The following UMPS variants were observed in gnomAD, a reference collection of about 807,000 sequenced individuals.
UMPS encodes the protein uridine 5'-monophosphate synthase.
UMPS carries 21 observed loss-of-function variants against 38.9 expected under a neutral mutation model. The observed-to-expected ratio is 0.54, with a 90% CI of 0.38 to 0.78. The LOEUF (loss-of-function observed/expected upper bound fraction) is 0.78. Among genes scored for constraint, UMPS ranks in the 30% least tolerant of loss-of-function variants. The pLI is 0.00. For missense variants in UMPS, 533 were observed against 591.6 expected, an observed-to-expected ratio of 0.90 and a Z score of 1.03; for synonymous variants, 208 against 219.3, an observed-to-expected ratio of 0.95 and a Z score of 0.45.
chr3:124,747,817 A>C lies in UMPS; in HGVS notation c.*3733A>C, dbSNP rs866231316. 4.2e-5 allele frequency: 19 copies of C among 451,814 alleles called. 1 individual carries two copies. The highest frequency in any genetic ancestry group is 1.4e-3 in the Middle Eastern group (2 of 1,464). The allele number at this position is 451,814 out of a possible 1,614,324, so 28.0% of individuals were successfully genotyped here. On this transcript the variant is annotated 3_prime_UTR_variant, in exon 6 of 6. Coordinates refer to ENST00000232607, the MANE Select transcript of UMPS (RefSeq NM_000373.4). ...TCTGGCTGCATCAGCGATCTCTCCCAGCGAAATAGCTGCTTGGTCTTGTGT... is the reference window on the plus strand; with the variant it reads ...TCTGGCTGCATCAGCGATCTCTCCCCGCGAAATAGCTGCTTGGTCTTGTGT...
At position 124,730,502 on chromosome 3, in the gene UMPS, T is replaced by G; in HGVS notation, c.31T>G (p.Leu11Val). The G allele has an allele frequency of 6.2e-7, 1 of 1,614,122 alleles. No homozygotes were observed. The highest frequency in any genetic ancestry group is 8.5e-7 in the Non-Finnish European group (1 of 1,179,994). ...GGTCGCTCGTGCAGCTTTGGGGCCA[T>G]TGGTGACGGGTCTGTACGACGTGCA... is the stretch of plus-strand genomic sequence containing the variant. MAVARAALGP[L>V]VTGLYDVQAF... Residue 11 changes from leucine (L) to valine (V), a missense_variant, in exon 1 of 6, where the codon TTG becomes GTG. By Grantham distance (32) the Leu-to-Val change is conservative. Coordinates refer to ENST00000232607, the MANE Select transcript of UMPS (RefSeq NM_000373.4).
Position 124,745,483 on chromosome 3 carries a change from C to T in UMPS, c.*1399C>T. The T allele has an allele frequency of 4.4e-6, 2 of 454,012 alleles. No individual in the cohort carries two copies. Among genetic ancestry groups the T allele is most frequent in the South Asian group, 3.1e-5 (2 of 64,460 alleles). The allele number at this position is 454,012 out of a possible 1,614,324, so 28.1% of individuals were successfully genotyped here. A position where few individuals can be genotyped will look rare whatever the true frequency, so the allele number is the denominator to read the frequency against. ...GGTTCAAGCAGTTCTCCTGCCTCAG[C>T]CTCCCGAGTAGCTGGGACTACAAGC... is the stretch of plus-strand genomic sequence containing the variant. On this transcript the variant is annotated 3_prime_UTR_variant, in exon 6 of 6. Coordinates refer to ENST00000232607, the MANE Select transcript of UMPS (RefSeq NM_000373.4).
rs74477033 is a variant in UMPS at position 124,745,601 on chromosome 3, C to A, written c.*1517C>A. 300 of 453,994 alleles carry A rather than the reference C, an allele frequency of 6.6e-4. 2 individuals carry two copies. Among genetic ancestry groups the A allele is most frequent in the African/African-American group, 5.4e-3 (270 of 50,062 alleles). 28.1% of individuals were successfully genotyped at this position (453,994 alleles called of 1,614,324 possible). ...TAAAGTCCAATTTGGGCTTCATGTCCCCAGTGCTGCATCTCCAGGGAAATG... is the reference window on the plus strand; with the variant it reads ...TAAAGTCCAATTTGGGCTTCATGTCACCAGTGCTGCATCTCCAGGGAAATG... On this transcript the variant is annotated 3_prime_UTR_variant, in exon 6 of 6. Transcript: ENST00000232607.
At position 124,748,870 on chromosome 3, in the gene UMPS, T is replaced by C. The variant is rs1248811533; in HGVS notation, c.*4786T>C. ...TTCTCCTGTTTTTCTGAAAAGGGCA[T>C]GGGAGTTAGCTGAGAAGCAGACCTG... On this transcript the variant is annotated 3_prime_UTR_variant, in exon 6 of 6. Transcript: ENST00000232607. 3 of 430,676 alleles carry C rather than the reference T, an allele frequency of 7.0e-6. No homozygotes were observed. Among genetic ancestry groups the C allele is most frequent in the Non-Finnish European group, 1.4e-5 (3 of 215,418 alleles). The allele number at this position is 430,676 out of a possible 1,614,324, so 26.7% of individuals were successfully genotyped here.
In UMPS at chr3:124,744,036, G is replaced by A; in HGVS notation, c.1395G>A (p.Met465Ile). 6.2e-7 allele frequency: 1 copy of A among 1,614,206 alleles called. No homozygotes were observed. The highest frequency in any genetic ancestry group is 8.5e-7 in the Non-Finnish European group (1 of 1,180,026). Residue 465 changes from methionine to isoleucine, a missense_variant, in exon 6 of 6, where the codon ATG becomes ATA. By Grantham distance (10) the Met-to-Ile change is conservative (BLOSUM62 1). Coordinates refer to ENST00000232607, the MANE Select transcript of UMPS (RefSeq NM_000373.4). ...SAADRLEAAEMYRKAAWEAYL... is the reference protein window; with the variant it reads ...SAADRLEAAEIYRKAAWEAYL... ...CTGATCGTCTGGAAGCAGCAGAGAT[G>A]TACAGAAAAGCTGCTTGGGAAGCGT...
chr3:124,748,953 G>A lies in UMPS; in HGVS notation c.*4869G>A, dbSNP rs1026438041. 9 of 453,512 alleles carry A rather than the reference G, an allele frequency of 2.0e-5. No homozygotes were observed. The highest frequency in any genetic ancestry group is 1.4e-4 in the Admixed American group (6 of 42,554). The allele number at this position is 453,512 out of a possible 1,614,324, so 28.1% of individuals were successfully genotyped here. A position where few individuals can be genotyped will look rare whatever the true frequency, so the allele number is the denominator to read the frequency against. On this transcript the variant is annotated 3_prime_UTR_variant, in exon 6 of 6. Transcript: ENST00000232607. ...ACAGTCAGTGGGAAGTGGACGGGCCGCACAACCAAGGTTCTCATGAGGACA... is the reference window on the plus strand; with the variant it reads ...ACAGTCAGTGGGAAGTGGACGGGCCACACAACCAAGGTTCTCATGAGGACA...
intron 1 of UMPS, chr3:124,733,283 A>G (rs898331222): frequency 5.3e-5 from 8 of 152,236 alleles, no homozygotes; most frequent in African/African-American, 1.9e-4. Flanking sequence ...AAAATTTGCA[A>G]ATCATGTTTG....
At position 124,748,669 on chromosome 3, in the gene UMPS, G is replaced by T; in HGVS notation, c.*4585G>T. The stretch of plus-strand genomic sequence containing the variant: ...AGTTGACACCCAAAATAAGGGTGGG[G>T]AACTGTCAGCAGAGGAGGTCTGTGT... On this transcript the variant is annotated 3_prime_UTR_variant, in exon 6 of 6. Transcript: ENST00000232607. The T allele has an allele frequency of 8.8e-6, 4 of 453,958 alleles. No individual in the cohort carries two copies. The highest frequency in any genetic ancestry group is 1.8e-5 in the Non-Finnish European group (4 of 226,726). The allele number at this position is 453,958 out of a possible 1,614,324, so 28.1% of individuals were successfully genotyped here.
At position 124,737,724 on chromosome 3, in the gene UMPS, A is replaced by G; in HGVS notation, c.467A>G (p.Glu156Gly). ...VTDAIVLLDR[E>G]QGGKDKLQAH... Reference sequence around the variant, plus strand: ...GATGCCATAGTGCTGTTGGACAGAGAGCAGGGAGGCAAGGACAAGTTGCAG... The same window carrying G: ...GATGCCATAGTGCTGTTGGACAGAGGGCAGGGAGGCAAGGACAAGTTGCAG... Residue 156 changes from glutamate (E) to glycine (G), a missense_variant, in exon 3 of 6, where the codon GAG (glutamate) becomes GGG (glycine). Transcript: ENST00000232607. The G allele has an allele frequency of 2.5e-6, 4 of 1,614,200 alleles. No individual in the cohort carries two copies. The highest frequency in any genetic ancestry group is 2.5e-6 in the Non-Finnish European group (3 of 1,180,042).
intron 5 of UMPS, 189 bp downstream of exon 5, chr3:124,742,455 T>C: frequency 1.6e-6 from 1 of 607,010 alleles, no homozygotes; most frequent in Non-Finnish European, 2.9e-6. Flanking sequence ...TCTAATTGTC[T>C]GTAAAATGGG....
intron 1 of UMPS, 25 bp from the exon 2 acceptor site, chr3:124,735,068 T>G: frequency 6.2e-7 from 1 of 1,601,510 alleles, no homozygotes; most frequent in Non-Finnish European, 8.5e-7. Flanking sequence ...AATAAAACAT[T>G]GTTTATGTGT....
At position 124,747,670 on chromosome 3, in the gene UMPS, AC is replaced by A. The variant is rs781180917; in HGVS notation, c.*3587del. The A allele has an allele frequency of 2.2e-6, 1 of 453,358 alleles. No homozygotes were observed. Among genetic ancestry groups the A allele is most frequent in the South Asian group, 1.6e-5 (1 of 64,474 alleles). The allele number at this position is 453,358 out of a possible 1,614,324, so 28.1% of individuals were successfully genotyped here. A position where few individuals can be genotyped will look rare whatever the true frequency, so the allele number is the denominator to read the frequency against. ...CCATGGAGTTCCAGGGTGGTTTATT[AC>A]ACGGCAATATCTAGCTAAATACATT... On this transcript the variant is annotated 3_prime_UTR_variant, in exon 6 of 6. Coordinates refer to ENST00000232607, the MANE Select transcript of UMPS (RefSeq NM_000373.4).
Position 124,744,136 on chromosome 3 carries a change from G to A in UMPS, c.*52G>A. 1 of 1,603,458 alleles carries A rather than the reference G, an allele frequency of 6.2e-7. No individual in the cohort carries two copies. Among genetic ancestry groups the A allele is most frequent in the Non-Finnish European group, 8.5e-7 (1 of 1,172,330 alleles). On this transcript the variant is annotated 3_prime_UTR_variant, in exon 6 of 6. Coordinates refer to ENST00000232607, the MANE Select transcript of UMPS (RefSeq NM_000373.4). Reference sequence around the variant, plus strand: ...AATGTGAAGACATTGAAGATATGTGGTCCTCCTGAAAGTCACTGGCTGGAA... The same window carrying A: ...AATGTGAAGACATTGAAGATATGTGATCCTCCTGAAAGTCACTGGCTGGAA...
chr3:124,741,911 T>G (rs757943109), intron 4 of UMPS, among the ~76,000 whole-genome samples: 1 of 152,018 alleles, frequency 6.6e-6, no homozygotes, highest in Non-Finnish European at 1.5e-5. Flanking sequence ...ACAGCAAAGT[T>G]TCTAACTAGA....
Position 124,747,756 on chromosome 3 carries a change from A to T in UMPS, c.*3672A>T, listed in dbSNP as rs780413960. On this transcript the variant is annotated 3_prime_UTR_variant, in exon 6 of 6. Transcript: ENST00000232607. The stretch of plus-strand genomic sequence containing the variant: ...ACCAGGAAGACAAAAACTGGGCTCC[A>T]CCAGGAACCAGTCTTCTGCCTTCCC... The T allele has an allele frequency of 8.9e-6, 4 of 451,840 alleles. 1 individual carries two copies. The highest frequency in any genetic ancestry group is 6.2e-5 in the South Asian group (4 of 64,452). 28.0% of individuals were successfully genotyped at this position (451,840 alleles called of 1,614,324 possible). A position where few individuals can be genotyped will look rare whatever the true frequency, so the allele number is the denominator to read the frequency against.
At position 124,746,796 on chromosome 3, in the gene UMPS, T is replaced by TGTGTGTGTGTGTGTGTGC. The variant is rs776953343; in HGVS notation, c.*2713_*2714insTGTGTGTGTGTGTGTGCG. 1 of 439,282 alleles carries TGTGTGTGTGTGTGTGTGC rather than the reference T, an allele frequency of 2.3e-6. No homozygotes were observed. The highest frequency in any genetic ancestry group is 4.5e-6 in the Non-Finnish European group (1 of 221,094). The allele number at this position is 439,282 out of a possible 1,614,324, so 27.2% of individuals were successfully genotyped here. On this transcript the variant is annotated 3_prime_UTR_variant, in exon 6 of 6. Coordinates refer to ENST00000232607, the MANE Select transcript of UMPS (RefSeq NM_000373.4). ...GTGTGTGTGTGTGTGTGTGTGTGTG[T>TGTGTGTGTGTGTGTGTGC]GCATGCGCGCGCGTGCGCACTGGAG... is the stretch of plus-strand genomic sequence containing the variant.
At chr3:124,731,945 CCAT>C (rs2063482029) in intron 1 of UMPS, among the ~76,000 whole-genome samples, 1 of 150,076 alleles carries the variant, frequency 6.7e-6, no homozygotes, top group Admixed American at 6.7e-5. Context: ...CAGGCATGTG[CCAT>C]CATGCCCACC....
chr3:124,740,173 G>A lies in UMPS; in HGVS notation c.1132G>A (p.Ala378Thr). ...GGAAATGAGCTCCACCGGCTCCCTGGCCACTGGGGACTACACTAGAGCAGC... is the reference window on the plus strand; with the variant it reads ...GGAAATGAGCTCCACCGGCTCCCTGACCACTGGGGACTACACTAGAGCAGC... Reference protein sequence around the residue: ...IAEMSSTGSLATGDYTRAAVR... With the variant: ...IAEMSSTGSLTTGDYTRAAVR... The change falls in exon 4 of 6, where the codon GCC becomes ACC. Residue 378 changes from alanine (A) to threonine (T), a missense_variant. Coordinates refer to ENST00000232607, the MANE Select transcript of UMPS (RefSeq NM_000373.4). 1 of 1,613,304 alleles carries A rather than the reference G, an allele frequency of 6.2e-7. No homozygotes were observed.
rs771857226 is a variant in UMPS at position 124,745,276 on chromosome 3, C to T, written c.*1192C>T. 1.5e-4 allele frequency: 67 copies of T among 453,956 alleles called. No individual in the cohort carries two copies. The highest frequency in any genetic ancestry group is 1.1e-4 in the Non-Finnish European group (25 of 226,790). 28.1% of individuals were successfully genotyped at this position (453,956 alleles called of 1,614,324 possible). On this transcript the variant is annotated 3_prime_UTR_variant, in exon 6 of 6. Transcript: ENST00000232607. ...ACTCACATTCCTTCTCATTTGGGGCCCACCTGCAGGAAGTGGCACAGGATC... is the reference window on the plus strand; with the variant it reads ...ACTCACATTCCTTCTCATTTGGGGCTCACCTGCAGGAAGTGGCACAGGATC...
Sources: gnomAD v4.1 joint callset for allele counts (sites outside exome capture counted in the v4.1 genomes callset) on GRCh38, gnomAD v4.1.1 for gene constraint, MANE v1.5 for transcripts, NCBI Gene and HGNC (gene_info 2026-07-23, HGNC 2026-07-21) for gene names.